Variants in PTK2 observed in about 807,000 individuals in gnomAD.
PTK2 encodes protein tyrosine kinase 2.
PTK2 carries 45 observed loss-of-function variants against 150.1 expected under a neutral mutation model. The observed-to-expected ratio is 0.30, with a 90% CI of 0.24 to 0.38. The LOEUF (loss-of-function observed/expected upper bound fraction) is 0.38. Among genes scored for constraint, PTK2 ranks in the 10% least tolerant of loss-of-function variants. The pLI is 1.00. For synonymous variants in PTK2, 432 were observed against 449.2 expected, an observed-to-expected ratio of 0.96 and a Z score of 0.48; for missense variants, 919 against 1,307.3, an observed-to-expected ratio of 0.70 and a Z score of 4.58.
At chr8:140,992,068 G>A (rs1393972677) in intron 1 of PTK2, among the ~76,000 whole-genome samples, 1 of 152,104 alleles carries the variant, frequency 6.6e-6, no homozygotes, top group Non-Finnish European at 1.5e-5. Flanking sequence ...GAGGTGGGCA[G>A]ATCACCTGAG....
At chr8:140,751,428 GTACTGGGAT>G (rs1213035428) in intron 17 of PTK2, among the ~76,000 whole-genome samples, 1 of 151,984 alleles carries the variant, frequency 6.6e-6, no homozygotes, top group Non-Finnish European at 1.5e-5. Flanking sequence ...GCCTCCCAAA[GTACTGGGAT>G]TACACGTGTG....
At chr8:140,966,316 C>A (rs2100185280) in intron 1 of PTK2, among the ~76,000 whole-genome samples, 1 of 152,222 alleles carries the variant, frequency 6.6e-6, no homozygotes, top group Non-Finnish European at 1.5e-5. Flanking sequence ...TTGAGTACCT[C>A]AGCCACATTC....
intron 5 of PTK2, among the ~76,000 whole-genome samples, chr8:140,851,848 G>C (rs1455982956): frequency 4.2e-5 from 4 of 95,646 alleles, no homozygotes; most frequent in Middle Eastern, 9.0e-3. Context: ...GACAGAGAGA[G>C]ACTTTATCTC....
At chr8:140,663,161 A>T (rs2083268141) in intron 31 of PTK2, 1 of 162,020 alleles carries the variant, frequency 6.2e-6, no homozygotes, top group Admixed American at 6.4e-5. Flanking sequence ...TATAAATGGA[A>T]ATCTTAAAGG....
intron 2 of PTK2, among the ~76,000 whole-genome samples, chr8:140,916,887 T>G (rs1184741954): frequency 6.6e-6 from 1 of 152,208 alleles, no homozygotes; most frequent in Non-Finnish European, 1.5e-5. Context: ...AGTACCTCAA[T>G]TATCGCATCT....
chr8:140,870,059 C>T (rs945748528), intron 4 of PTK2, among the ~76,000 whole-genome samples: 5 of 151,868 alleles, frequency 3.3e-5, no homozygotes, highest in Admixed American at 1.3e-4. Context: ...CAAACACACC[C>T]GCCCTCTTTA....
At chr8:140,931,880 C>T (rs2100171923) in intron 1 of PTK2, among the ~76,000 whole-genome samples, 1 of 142,990 alleles carries the variant, frequency 7.0e-6, no homozygotes, top group Non-Finnish European at 1.5e-5. Context: ...CTATAATGAG[C>T]CATGATTGGG....
In PTK2 at chr8:140,720,671, G is replaced by A. The variant is rs191791347; in HGVS notation, c.2031-2962C>T. ...GCAAGAAGCTTTTAAAAAATAGAAGGAACTATTAGAAATTCCCCATCAGAT... is the reference window on the plus strand; with the variant it reads ...GCAAGAAGCTTTTAAAAAATAGAAGAAACTATTAGAAATTCCCCATCAGAT... On this transcript the variant is annotated intron_variant, in intron 22 of 31. Transcript: ENST00000522684. Among the ~76,000 whole-genome samples, 3 of 152,304 alleles carry A rather than the reference G, an allele frequency of 2.0e-5. No homozygotes were observed. In the East Asian group the frequency reaches 5.8e-4, roughly 29 times the overall value.
chr8:140,794,519 C>G (rs528769867), intron 12 of PTK2, among the ~76,000 whole-genome samples: 2 of 152,252 alleles, frequency 1.3e-5, no homozygotes, highest in African/African-American at 4.8e-5. Context: ...ACGGAAAATA[C>G]TTTTTGAACA....
chr8:140,761,712 T>G (rs895240489), intron 15 of PTK2, among the ~76,000 whole-genome samples: 8 of 152,126 alleles, frequency 5.3e-5, no homozygotes, highest in Non-Finnish European at 1.0e-4. Flanking sequence ...CATAAAATTA[T>G]GTCATAAGTA....
chr8:140,985,546 T>A (rs866290698), intron 1 of PTK2, among the ~76,000 whole-genome samples: 11 of 152,172 alleles, frequency 7.2e-5, no homozygotes, highest in Middle Eastern at 3.2e-3. Flanking sequence ...TTGCCCATGT[T>A]TTTCTTCTCC....
chr8:140,672,359 A>C (rs1394594962), intron 29 of PTK2, among the ~76,000 whole-genome samples: 3 of 152,178 alleles, frequency 2.0e-5, no homozygotes, highest in Admixed American at 6.5e-5. Context: ...TATTGAAAGA[A>C]GCCAATATTG....
chr8:140,868,113 C>T (rs761268400), intron 4 of PTK2, among the ~76,000 whole-genome samples: 61 of 152,064 alleles, frequency 4.0e-4, no homozygotes, highest in Admixed American at 6.5e-5. Flanking sequence ...CTCAGTCTTA[C>T]CACCAAATAT....
At chr8:140,913,927 G>C (rs1470820626) in intron 2 of PTK2, among the ~76,000 whole-genome samples, 1 of 152,110 alleles carries the variant, frequency 6.6e-6, no homozygotes, top group Non-Finnish European at 1.5e-5. Context: ...ATGAGAATAA[G>C]AACGTGGAAA....
At chr8:140,735,872 C>T (rs1003412324) in intron 21 of PTK2, among the ~76,000 whole-genome samples, 12 of 152,152 alleles carry the variant, frequency 7.9e-5, no homozygotes, top group African/African-American at 2.4e-4. Context: ...ATAAGTCTTA[C>T]GCTTTTGGAA....
intron 1 of PTK2, among the ~76,000 whole-genome samples, chr8:140,929,257 G>A (rs1385834081): frequency 2.0e-5 from 3 of 151,906 alleles, no homozygotes; most frequent in African/African-American, 4.8e-5. Flanking sequence ...GAGCCACCGC[G>A]CCCGGCCACA....
intron 14 of PTK2, among the ~76,000 whole-genome samples, chr8:140,768,684 A>G (rs944426306): frequency 3.9e-5 from 6 of 152,336 alleles, no homozygotes; most frequent in African/African-American, 1.4e-4. Context: ...AGAATTAGGA[A>G]TCAAGTCAGT....
intron 22 of PTK2, chr8:140,721,616 AAAGTG>A (rs1478654802): frequency 1.3e-5 from 2 of 152,088 alleles, no homozygotes; most frequent in African/African-American, 4.8e-5. Flanking sequence ...ATTGCTTTTA[AAAGTG>A]AAGTGATTAA....
intron 2 of PTK2, among the ~76,000 whole-genome samples, chr8:140,898,356 C>T (rs895698653): frequency 6.6e-5 from 10 of 152,192 alleles, no homozygotes; most frequent in African/African-American, 2.4e-4. Context: ...TTACTGAGTC[C>T]TGGCTCAGCC....
Sources: gnomAD v4.1 joint callset for allele counts (sites outside exome capture counted in the v4.1 genomes callset) on GRCh38, gnomAD v4.1.1 for gene constraint, MANE v1.5 for transcripts, NCBI Gene and HGNC (gene_info 2026-07-23, HGNC 2026-07-21) for gene names.